The following YTHDF2 variants were observed in gnomAD, a reference collection of about 807,000 sequenced individuals.
YTHDF2 encodes YTH N6-methyladenosine RNA binding protein F2.
A neutral mutation model predicts 50.4 loss-of-function variants in YTHDF2; 2 were observed. The ratio of observed to expected loss-of-function variants is 0.04; its 90% CI spans 0.02 to 0.12. The LOEUF is 0.12. Ranked by LOEUF, YTHDF2 falls within the 10% of genes least tolerant of loss-of-function variation. The probability of loss-of-function intolerance (pLI) is 1.00; values close to 1 mark genes in which losing one functional copy is unlikely to be tolerated. For missense variants in YTHDF2, 483 were observed against 722.6 expected (o/e 0.67, Z 3.80); for synonymous variants, 217 against 255.6 (o/e 0.85, Z 1.44).
intron 1 of YTHDF2, 168 bp downstream of exon 1, chr1:28,737,315 TG>T: frequency 1.1e-6 from 1 of 871,450 alleles, no homozygotes; most frequent in Non-Finnish European, 1.7e-6. Flanking sequence ...TCCCTCAGCC[TG>T]TTCTTCCCGC....
intron 3 of YTHDF2, 86 bp from the exon 4 acceptor site, chr1:28,742,317 A>G: frequency 2.0e-6 from 3 of 1,480,340 alleles, no homozygotes; most frequent in South Asian, 1.4e-5. Flanking sequence ...TTTATAGTAT[A>G]TTTGAATTGC....
chr1:28,760,035 A>G (rs1455384918), intron 4 of YTHDF2, among the ~76,000 whole-genome samples: 1 of 152,184 alleles, frequency 6.6e-6, no homozygotes, highest in Admixed American at 6.5e-5. Flanking sequence ...AGACCTACAC[A>G]GGCTCAGGAT....
chr1:28,766,575 G>C (rs2088220469), intron 4 of YTHDF2, among the ~76,000 whole-genome samples: 1 of 152,018 alleles, frequency 6.6e-6, no homozygotes, highest in African/African-American at 2.4e-5. Flanking sequence ...TTGTCCACCA[G>C]GTTCTCCACT....
At chr1:28,740,457 AGAT>A (rs1346476086) in intron 3 of YTHDF2, 8 of 152,230 alleles carry the variant, frequency 5.3e-5, no homozygotes, top group African/African-American at 1.9e-4. Context: ...TATAAATCTT[AGAT>A]GAGTAGATGA....
chr1:28,761,613 T>G (rs939604420), intron 4 of YTHDF2, among the ~76,000 whole-genome samples: 5 of 152,266 alleles, frequency 3.3e-5, no homozygotes, highest in Admixed American at 3.3e-4. Context: ...GGCGCACGCA[T>G]GTAATCCCAG....
chr1:28,742,420 C>T lies in YTHDF2; in HGVS notation c.150C>T (p.Ala50=). 1 of 1,568,850 alleles carries T rather than the reference C, an allele frequency of 6.4e-7. No homozygotes were observed. The highest frequency in any genetic ancestry group is 8.6e-7 in the Non-Finnish European group (1 of 1,160,788). ...PQARPNNAYT[A]MSDSYLPSYY... Reference sequence around the variant, plus strand: ...TTCCACAGAATAATGCATATACTGCCATGTCAGATTCCTACTTACCCAGTT... The same window carrying T: ...TTCCACAGAATAATGCATATACTGCTATGTCAGATTCCTACTTACCCAGTT... Residue 50 remains alanine, a synonymous_variant, in exon 4 of 5, where the codon GCC becomes GCT. Transcript: ENST00000373812.
intron 4 of YTHDF2, among the ~76,000 whole-genome samples, chr1:28,750,454 G>A (rs2087933792): frequency 6.6e-6 from 1 of 152,150 alleles, no homozygotes; most frequent in Admixed American, 6.6e-5. Context: ...ACTAAACTAG[G>A]GATGTTGTAG....
intron 4 of YTHDF2, among the ~76,000 whole-genome samples, chr1:28,750,745 C>CTA (rs965609642): frequency 2.4e-4 from 37 of 151,252 alleles, no homozygotes; most frequent in East Asian, 5.8e-4. Context: ...AATACATTTA[C>CTA]TATATATATA....
intron 3 of YTHDF2, among the ~76,000 whole-genome samples, chr1:28,740,952 C>T (rs913143249): frequency 1.4e-4 from 21 of 152,106 alleles, no homozygotes; most frequent in African/African-American, 4.8e-4. Context: ...GATCCTCCCA[C>T]CTTGGCCTCC....
chr1:28,750,954 G>A (rs529205200), intron 4 of YTHDF2, among the ~76,000 whole-genome samples: 32 of 151,842 alleles, frequency 2.1e-4, no homozygotes, highest in South Asian at 8.3e-4. Flanking sequence ...TTAGCCAGGC[G>A]TGGTGGCTCG....
chr1:28,743,060 C>T lies in YTHDF2; in HGVS notation c.790C>T (p.Leu264Phe). 2.5e-6 allele frequency: 4 copies of T among 1,614,196 alleles called. No homozygotes were observed. Among genetic ancestry groups the T allele is most frequent in the South Asian group, 1.1e-5 (1 of 91,082 alleles). ...KTKNGIAGSS[L>F]PPPPIKHNMD... ...CAAGAATGGCATTGCAGGGTCAAGTCTTCCGCCACCCCCGATAAAGCATAA... is the reference window on the plus strand; with the variant it reads ...CAAGAATGGCATTGCAGGGTCAAGTTTTCCGCCACCCCCGATAAAGCATAA... The change falls in exon 4 of 5, where the codon CTT (leucine) becomes TTT (phenylalanine). Residue 264 changes from leucine (L) to phenylalanine (F), a missense_variant. Around this residue, in one of 4 missense-constraint regions of YTHDF2, gnomAD observed 385 missense variants for 475.8 expected, o/e 0.81. Transcript: ENST00000373812. This position sits in a 1 kb window ranked among gnomAD's most constrained non-coding sequence, Gnocchi z 6.9.
At chr1:28,741,349 G>C (rs2087773702) in intron 3 of YTHDF2, among the ~76,000 whole-genome samples, 1 of 151,928 alleles carries the variant, frequency 6.6e-6, no homozygotes, top group African/African-American at 2.4e-5. Context: ...CTGGGCTAGA[G>C]TGCAGTGGTG....
chr1:28,749,141 T>C (rs558554808), intron 4 of YTHDF2, among the ~76,000 whole-genome samples: 2 of 151,812 alleles, frequency 1.3e-5, no homozygotes. Flanking sequence ...GCAACTGTTA[T>C]CTAGAAGAAG....
chr1:28,749,179 C>CTTTTTTTTTTTTT (rs60729215), intron 4 of YTHDF2, among the ~76,000 whole-genome samples: 3 of 107,428 alleles, frequency 2.8e-5, no homozygotes, highest in African/African-American at 7.5e-5. Flanking sequence ...TTCTTTCTTC[C>CTTTTTTTTTTTTT]TTTTTTTTTT....
At chr1:28,754,256 G>A (rs1208654730) in intron 4 of YTHDF2, among the ~76,000 whole-genome samples, 2 of 152,190 alleles carry the variant, frequency 1.3e-5, no homozygotes, top group Non-Finnish European at 2.9e-5. Context: ...GGCTGGGTGA[G>A]TTGGCTCACG....
At chr1:28,737,769 G>C (rs959793322) in intron 2 of YTHDF2, 87 bp downstream of exon 2, 4 of 1,531,024 alleles carry the variant, frequency 2.6e-6, no homozygotes, top group Non-Finnish European at 3.6e-6. Context: ...CCCGGGCGGA[G>C]GACCTTTCGG....
intron 4 of YTHDF2, among the ~76,000 whole-genome samples, chr1:28,751,487 A>G (rs1479599874): frequency 2.6e-5 from 4 of 152,090 alleles, no homozygotes; most frequent in Admixed American, 2.0e-4. Flanking sequence ...ATCTATGTCT[A>G]TTTTTGTCTT....
chr1:28,743,267 C>T lies in YTHDF2; in HGVS notation c.997C>T (p.Pro333Ser). Residue 333 changes from proline (P) to serine (S), a missense_variant, in exon 4 of 5, where the codon CCA becomes TCA. Transcript: ENST00000373812. This position sits in a 1 kb window ranked among gnomAD's most constrained non-coding sequence, Gnocchi z 6.9. ...GQQTQPLPPP[P>S]PQPAQLSVQQ... The stretch of plus-strand genomic sequence containing the variant: ...ACAGACACAGCCATTGCCTCCACCT[C>T]CACCACAGCCTGCCCAGCTTTCAGT... 6.2e-7 allele frequency: 1 copy of T among 1,614,158 alleles called. No homozygotes were observed.
intron 4 of YTHDF2, among the ~76,000 whole-genome samples, chr1:28,753,220 G>T (rs1195867255): frequency 2.0e-5 from 3 of 151,434 alleles, no homozygotes; most frequent in Non-Finnish European, 4.4e-5. Flanking sequence ...AAGTTTGCCA[G>T]ATAGAAAAGT....
Sources: gnomAD v4.1 joint callset for allele counts (sites outside exome capture counted in the v4.1 genomes callset) on GRCh38, gnomAD v4.1.1 for gene constraint, gnomAD v4.1.1 regional missense constraint, Gnocchi (gnomAD v3.1) non-coding constraint, MANE v1.5 for transcripts, NCBI Gene and HGNC (gene_info 2026-07-23, HGNC 2026-07-21) for gene names.